TENM4: variants seen among roughly 807,000 people sequenced by gnomAD.
TENM4 encodes the protein teneurin-4.
A neutral mutation model predicts 243.3 loss-of-function variants in TENM4; 82 were observed. The ratio of observed to expected loss-of-function variants is 0.34; its 90% CI spans 0.28 to 0.40. The LOEUF is 0.40. Ranked by LOEUF, TENM4 falls within the 10% of genes least tolerant of loss-of-function variation. The pLI is 1.00. For missense variants in TENM4, 3,138 were observed against 3,673.3 expected (o/e 0.85, Z 3.77); for synonymous variants, 1,412 against 1,456.3 (o/e 0.97, Z 0.69).
intron 3 of TENM4, among the ~76,000 whole-genome samples, chr11:79,176,893 T>C (rs1045473306): frequency 2.4e-4 from 36 of 152,206 alleles, no homozygotes; most frequent in Non-Finnish European, 3.4e-4. Flanking sequence ...TTACTGAGGT[T>C]CCTGTAGGAG....
chr11:79,054,993 T>C (rs1392963675), intron 6 of TENM4, among the ~76,000 whole-genome samples: 1 of 151,702 alleles, frequency 6.6e-6, no homozygotes, highest in Non-Finnish European at 1.5e-5. Context: ...CCAGGCGTGG[T>C]GGCAGAACCT....
At chr11:79,132,174 C>T (rs1173663467) in intron 4 of TENM4, among the ~76,000 whole-genome samples, 1 of 150,928 alleles carries the variant, frequency 6.6e-6, no homozygotes, top group Admixed American at 6.6e-5. Context: ...AACCCTGTCT[C>T]TACTAAAAAT....
intron 4 of TENM4, among the ~76,000 whole-genome samples, chr11:79,142,976 A>G (rs1862318226): frequency 2.0e-5 from 3 of 152,266 alleles, no homozygotes; most frequent in African/African-American, 7.2e-5. Context: ...CCACAATGAG[A>G]TACCATCTCA....
intron 1 of TENM4, among the ~76,000 whole-genome samples, chr11:79,384,228 A>G (rs1004835619): frequency 1.8e-4 from 28 of 152,202 alleles, no homozygotes; most frequent in African/African-American, 6.3e-4. Flanking sequence ...ATTTTCCTCA[A>G]TAGGACCTAA....
intron 28 of TENM4, among the ~76,000 whole-genome samples, chr11:78,696,759 C>T (rs1858976357): frequency 6.6e-6 from 1 of 152,170 alleles, no homozygotes; most frequent in African/African-American, 2.4e-5. Context: ...TTCTCTAACT[C>T]CCTCCCAGCA....
intron 4 of TENM4, among the ~76,000 whole-genome samples, chr11:79,085,094 C>G (rs576435160): frequency 6.6e-6 from 1 of 151,228 alleles, no homozygotes; most frequent in Non-Finnish European, 1.5e-5. Context: ...TTTTTTTGGC[C>G]GGGTGTAGTG....
At chr11:78,740,618 T>C (rs538048137) in intron 19 of TENM4, among the ~76,000 whole-genome samples, 14 of 152,346 alleles carry the variant, frequency 9.2e-5, no homozygotes, top group African/African-American at 3.4e-4. Flanking sequence ...TGGAGGACAA[T>C]TGAATTTCGT....
chr11:78,825,645 G>A (rs1857833407), intron 12 of TENM4, among the ~76,000 whole-genome samples: 1 of 152,222 alleles, frequency 6.6e-6, no homozygotes, highest in Non-Finnish European at 1.5e-5. Flanking sequence ...GTTCCAAAGA[G>A]GAGGGCTTGG....
chr11:78,762,454 G>A (rs1856451761), intron 18 of TENM4, among the ~76,000 whole-genome samples: 1 of 152,188 alleles, frequency 6.6e-6, no homozygotes, highest in Admixed American at 6.5e-5. Context: ...AGGCCTCTGG[G>A]GATTTGCAGA....
intron 2 of TENM4, among the ~76,000 whole-genome samples, chr11:79,268,369 T>C (rs1170149093): frequency 6.6e-6 from 1 of 152,216 alleles, no homozygotes; most frequent in African/African-American, 2.4e-5. Flanking sequence ...TGGGCTGTAG[T>C]TAACTGACCC....
chr11:78,675,189 C>T (rs1858436532), intron 30 of TENM4, among the ~76,000 whole-genome samples: 1 of 152,146 alleles, frequency 6.6e-6, no homozygotes, highest in Non-Finnish European at 1.5e-5. Context: ...TTTACCACCA[C>T]CTCGCTATGA....
Position 78,658,511 on chromosome 11 carries a change from A to C in TENM4, c.7857T>G (p.Phe2619Leu). The change falls in exon 34 of 34, where the codon TTT becomes TTG. Residue 2619 changes from phenylalanine to leucine, a missense_variant. Transcript: ENST00000278550. ...FTIDGVDTHY[F>L]VKPGPSEGDL... ...CACCTTCTGAAGGTCCTGGTTTCAC[A>C]AAGTAATGGGTATCCACCCCATCAA... The C allele has an allele frequency of 6.2e-7, 1 of 1,614,010 alleles. No homozygotes were observed. Among genetic ancestry groups the C allele is most frequent in the South Asian group, 1.1e-5 (1 of 91,072 alleles).
At chr11:78,717,034 G>GT (rs1175637896) in intron 25 of TENM4, among the ~76,000 whole-genome samples, 2 of 152,236 alleles carry the variant, frequency 1.3e-5, no homozygotes, top group African/African-American at 4.8e-5. Context: ...CTGATGCCCA[G>GT]TATCCTGAGC....
rs529448905 is a variant in TENM4 at position 79,317,027 on chromosome 11, C to T, written c.-320-19484G>A. On this transcript the variant is annotated intron_variant, in intron 1 of 33. Coordinates refer to ENST00000278550, the MANE Select transcript of TENM4 (RefSeq NM_001098816.3). Reference sequence around the variant, plus strand: ...CGTCTGTTATTTCATTTATACAACACTGTCCTACATTTGATTCTGCCTAGG... The same window carrying T: ...CGTCTGTTATTTCATTTATACAACATTGTCCTACATTTGATTCTGCCTAGG... Among the ~76,000 whole-genome samples the T allele has an allele frequency of 6.6e-5, 10 of 152,370 alleles. No individual in the cohort carries two copies. In the South Asian group the frequency reaches 1.7e-3, roughly 25 times the overall value.
At chr11:78,832,296 G>A (rs867113715) in intron 12 of TENM4, among the ~76,000 whole-genome samples, 1 of 152,228 alleles carries the variant, frequency 6.6e-6, no homozygotes, top group South Asian at 2.1e-4. Context: ...AATTCACCTT[G>A]TGCCATATAG....
chr11:79,244,989 G>A lies in TENM4; in HGVS notation c.-264-29080C>T, dbSNP rs186885641. Among the ~76,000 whole-genome samples, 296 of 152,336 alleles carry A rather than the reference G, an allele frequency of 1.9e-3. 1 individual carries two copies. The highest frequency in any genetic ancestry group is 3.4e-3 in the Middle Eastern group (1 of 294). On this transcript the variant is annotated intron_variant, in intron 2 of 33. Coordinates refer to ENST00000278550, the MANE Select transcript of TENM4 (RefSeq NM_001098816.3). ...AAGGATTTAGAGGTTACCTCCTTCA[G>A]AAAGCCTTCCTTGATTTCTCCAGGA... is the stretch of plus-strand genomic sequence containing the variant.
chr11:78,965,235 T>C (rs764736082), intron 6 of TENM4, among the ~76,000 whole-genome samples: 33 of 152,088 alleles, frequency 2.2e-4, no homozygotes, highest in Admixed American at 9.8e-4. Flanking sequence ...CTAAAGATAA[T>C]GTATGTGAGT....
intron 6 of TENM4, among the ~76,000 whole-genome samples, chr11:78,974,956 A>G (rs1156601861): frequency 2.6e-5 from 4 of 151,708 alleles, no homozygotes; most frequent in African/African-American, 7.3e-5. Context: ...AAGTGCTGGG[A>G]TTACAGTGGT....
chr11:79,426,974 T>C (rs1031880512), intron 1 of TENM4, among the ~76,000 whole-genome samples: 1 of 152,204 alleles, frequency 6.6e-6, no homozygotes, highest in Non-Finnish European at 1.5e-5. Flanking sequence ...TCAATCTTAA[T>C]GACCTAGTGA....
Sources: gnomAD v4.1 joint callset for allele counts (sites outside exome capture counted in the v4.1 genomes callset) on GRCh38, gnomAD v4.1.1 for gene constraint, MANE v1.5 for transcripts, NCBI Gene and HGNC (gene_info 2026-07-23, HGNC 2026-07-21) for gene names.